Variants in KCTD1 observed in about 807,000 individuals in gnomAD.
KCTD1 encodes the protein BTB/POZ domain-containing protein KCTD1.
KCTD1 carries 24 observed loss-of-function variants against 66.0 expected under a neutral mutation model. The observed-to-expected ratio is 0.36, with a 90% CI of 0.26 to 0.51. The LOEUF (loss-of-function observed/expected upper bound fraction) is 0.51, where lower values mean the gene tolerates loss of function less well. KCTD1 is among the 20% of genes least tolerant of loss of function. The pLI, the probability that KCTD1 is intolerant of heterozygous loss-of-function variation, is 0.95. For missense variants in KCTD1, 943 were observed against 1,205.2 expected (o/e 0.78, Z 3.22); for synonymous variants, 511 against 517.2 (o/e 0.99, Z 0.16).
At chr18:26,619,059 A>G (rs1281219097) in intron 1 of KCTD1, among the ~76,000 whole-genome samples, 12 of 152,224 alleles carry the variant, frequency 7.9e-5, no homozygotes. Context: ...CAGAATTAGC[A>G]TGATTGGTAC....
At chr18:26,456,110 C>A (rs1980074887) in intron 4 of KCTD1, 2 of 543,022 alleles carry the variant, frequency 3.7e-6, no homozygotes, top group African/African-American at 1.9e-5. Context: ...GCCTTTCATG[C>A]TTGCTTTACA....
rs1176115202 is a variant in KCTD1 at position 26,546,731 on chromosome 18, G to A, written c.1806C>T (p.Thr602=). The A allele has an allele frequency of 6.5e-7, 1 of 1,546,948 alleles. No individual in the cohort carries two copies. The highest frequency in any genetic ancestry group is 2.0e-5 in the Admixed American group (1 of 50,112). ...GCATAGAGTTTGGTTTGGTTACCTG[G>A]GTGGGGGAAACAATAGCAGGTGAAA... ...TIVSPAIVSP[T]QDSRPNMSRP... Residue 602 remains threonine (T), a synonymous_variant, in exon 1 of 5, where the codon ACC becomes ACT. Coordinates refer to ENST00000580059, the MANE Select transcript of KCTD1 (RefSeq NM_001142730.3).
upstream of KCTD1, among the ~76,000 whole-genome samples, chr18:26,550,881 G>T (rs1452912651): frequency 6.6e-6 from 1 of 152,232 alleles, no homozygotes; most frequent in African/African-American, 2.4e-5. The surrounding 1 kb of genome is among the most constrained non-coding windows in gnomAD (Gnocchi z 5.4). Flanking sequence ...TTTTCGGGCC[G>T]CGGTGCGGAG....
Position 26,546,815 on chromosome 18 carries a change from G to A in KCTD1, c.1722C>T (p.Asp574=). The change falls in exon 1 of 5, where the codon GAC becomes GAT. Residue 574 remains aspartate (D), a synonymous_variant. Transcript: ENST00000580059. ...DAVVVVSVKH[D]PLPLLPEANG... is the part of the protein sequence containing the mutation. ...TGGCTTCTGGAAGAAGAGGCAGGGGGTCGTGTTTCACGGAAACCACCACCA... is the reference window on the plus strand; with the variant it reads ...TGGCTTCTGGAAGAAGAGGCAGGGGATCGTGTTTCACGGAAACCACCACCA... 1.3e-6 allele frequency: 2 copies of A among 1,542,082 alleles called. No homozygotes were observed. Among genetic ancestry groups the A allele is most frequent in the Non-Finnish European group, 1.7e-6 (2 of 1,143,404 alleles).
At chr18:26,480,171 CATTTT>C (rs1981568810) in intron 2 of KCTD1, among the ~76,000 whole-genome samples, 1 of 148,350 alleles carries the variant, frequency 6.7e-6, no homozygotes, top group African/African-American at 2.5e-5. Context: ...CTTTTTAAAA[CATTTT>C]ATTTTGAACA....
At chr18:26,518,191 C>T (rs1598913089) in intron 1 of KCTD1, among the ~76,000 whole-genome samples, 1 of 152,190 alleles carries the variant, frequency 6.6e-6, no homozygotes, top group Non-Finnish European at 1.5e-5. Context: ...CACCTTCCTT[C>T]ACATAAACTT....
chr18:26,549,761 C>G, upstream of KCTD1: 6 of 985,530 alleles, frequency 6.1e-6, no homozygotes, highest in Non-Finnish European at 7.2e-6. Context: ...CGTTCGCCCT[C>G]CGGGCTGCGC....
chr18:26,589,769 A>G (rs1986554928), intron 1 of KCTD1, among the ~76,000 whole-genome samples: 1 of 152,172 alleles, frequency 6.6e-6, no homozygotes, highest in Non-Finnish European at 1.5e-5. Flanking sequence ...TGGTGATTCC[A>G]TCCCCTGCCA....
intron 1 of KCTD1, among the ~76,000 whole-genome samples, chr18:26,586,802 C>A (rs113615500): frequency 1.8e-4 from 2 of 11,158 alleles, no homozygotes; most frequent in Non-Finnish European, 6.2e-4. Flanking sequence ...CAAAGCAGGG[C>A]CCTAACTGTC....
At chr18:26,592,003 C>T (rs558113520) in intron 1 of KCTD1, among the ~76,000 whole-genome samples, 2 of 152,296 alleles carry the variant, frequency 1.3e-5, no homozygotes, top group South Asian at 4.1e-4. Flanking sequence ...AAATCATGCA[C>T]TGTCTAGTTA....
intron 1 of KCTD1, among the ~76,000 whole-genome samples, chr18:26,527,708 C>A (rs1984238385): frequency 6.6e-6 from 1 of 152,138 alleles, no homozygotes; most frequent in Non-Finnish European, 1.5e-5. Context: ...ATGTACCACG[C>A]TGTTTCTAGA....
exon 1 of KCTD1, chr18:26,640,338 G>T (rs1298107133): frequency 6.6e-6 from 1 of 152,378 alleles, no homozygotes; most frequent in South Asian, 2.1e-4. Flanking sequence ...GGTGAGGCAG[G>T]TGGTGGGGTA....
At chr18:26,644,700 G>A (rs1188438567), upstream of KCTD1, among the ~76,000 whole-genome samples, 4 of 151,724 alleles carry the variant, frequency 2.6e-5, no homozygotes, top group Non-Finnish European at 4.4e-5. Context: ...GGAGGTTGCC[G>A]TGAGCTGAGA....
intron 1 of KCTD1, among the ~76,000 whole-genome samples, chr18:26,525,692 C>T (rs1203898029): frequency 6.6e-6 from 1 of 152,186 alleles, no homozygotes; most frequent in East Asian, 1.9e-4. Flanking sequence ...TTTACATTTA[C>T]TACTATATAA....
At chr18:26,592,832 T>C (rs935247315) in intron 1 of KCTD1, among the ~76,000 whole-genome samples, 2 of 152,222 alleles carry the variant, frequency 1.3e-5, no homozygotes, top group Non-Finnish European at 2.9e-5. Context: ...GAGATCTGGG[T>C]TTAAAAGTTG....
At chr18:26,533,369 GA>G (rs1310311783) in intron 1 of KCTD1, among the ~76,000 whole-genome samples, 2 of 152,210 alleles carry the variant, frequency 1.3e-5, no homozygotes, top group Non-Finnish European at 2.9e-5. Context: ...AGTCAAGTAG[GA>G]AAAGGGGGCT....
At chr18:26,536,383 A>C (rs1984710726) in intron 1 of KCTD1, among the ~76,000 whole-genome samples, 1 of 152,238 alleles carries the variant, frequency 6.6e-6, no homozygotes, top group African/African-American at 2.4e-5. Flanking sequence ...CTAAAACACA[A>C]GTATACTAAG....
intron 1 of KCTD1, among the ~76,000 whole-genome samples, chr18:26,564,272 G>T (rs1333601685): frequency 6.6e-6 from 1 of 152,146 alleles, no homozygotes; most frequent in East Asian, 1.9e-4. Flanking sequence ...GTAAGCTTGA[G>T]CAAGTCACTT....
At chr18:26,511,814 G>A (rs1456461749) in intron 1 of KCTD1, among the ~76,000 whole-genome samples, 2 of 152,122 alleles carry the variant, frequency 1.3e-5, no homozygotes, top group Non-Finnish European at 2.9e-5. Context: ...CCCTGTCTGT[G>A]TTTGGGGGTG....
Sources: allele counts gnomAD v4.1 joint callset (sites outside exome capture counted in the v4.1 genomes callset), GRCh38; gene constraint gnomAD v4.1.1; non-coding constraint Gnocchi (gnomAD v3.1); transcripts MANE v1.5; gene names NCBI Gene and HGNC (gene_info 2026-07-23, HGNC 2026-07-21).